Variants in ATG2B observed in about 807,000 individuals in gnomAD.
ATG2B encodes autophagy-related protein 2 homolog B.
A neutral mutation model predicts 241.3 loss-of-function variants in ATG2B; 121 were observed. The observed-to-expected ratio is 0.50, with a 90% CI of 0.43 to 0.58. ATG2B has a LOEUF of 0.58. ATG2B is among the 20% of genes least tolerant of loss of function. The probability of loss-of-function intolerance (pLI) is 0.00; values close to 1 mark genes in which losing one functional copy is unlikely to be tolerated. For synonymous variants in ATG2B, 858 were observed against 876.6 expected, an observed-to-expected ratio of 0.98 and a Z score of 0.37; for missense variants, 2,306 against 2,491.6, an observed-to-expected ratio of 0.93 and a Z score of 1.59.
In ATG2B at chr14:96,362,986, T is replaced by C. The variant is rs751806903; in HGVS notation, c.-10A>G. The stretch of plus-strand genomic sequence containing the variant: ...AAAACGGCCAAGGCATAGTGACTGC[T>C]GGCAGCTGGGCTGACTGCGGCTGCG... On this transcript the variant is annotated 5_prime_UTR_variant, in exon 1 of 42. Coordinates refer to ENST00000359933, the MANE Select transcript of ATG2B (RefSeq NM_018036.7). 3.7e-6 allele frequency: 6 copies of C among 1,613,076 alleles called. No individual in the cohort carries two copies. Among genetic ancestry groups the C allele is most frequent in the South Asian group, 1.1e-5 (1 of 91,030 alleles).
At chr14:96,330,337 A>C (rs749077898) in intron 11 of ATG2B, among the ~76,000 whole-genome samples, 5 of 152,258 alleles carry the variant, frequency 3.3e-5, no homozygotes, top group Non-Finnish European at 5.9e-5. Flanking sequence ...AAAAAGTTAA[A>C]AAGATTAAAT....
rs1886461579 is a variant in ATG2B, at chr14:96,290,739, T to C, written c.5701+75A>G. On this transcript the variant is annotated intron_variant, in intron 39 of 41. Transcript: ENST00000359933. This position sits in a 1 kb window ranked among gnomAD's most constrained non-coding sequence, Gnocchi z 4.4. ...GTTTTCTAGACTAATGGTCCTCACA[T>C]AAGTTCTCAAAGGGATAAGAATTAC... The C allele has an allele frequency of 1.3e-6, 2 of 1,561,602 alleles. No homozygotes were observed. The highest frequency in any genetic ancestry group is 1.9e-5 in the Admixed American group (1 of 52,202).
chr14:96,361,442 A>T (rs907096965), intron 1 of ATG2B, among the ~76,000 whole-genome samples: 1 of 152,198 alleles, frequency 6.6e-6, no homozygotes, highest in Non-Finnish European at 1.5e-5. Flanking sequence ...AGGATAATGC[A>T]TACAAAGCCC....
chr14:96,337,574 G>A (rs1009928702), intron 6 of ATG2B, among the ~76,000 whole-genome samples: 1 of 152,130 alleles, frequency 6.6e-6, no homozygotes, highest in African/African-American at 2.4e-5. Flanking sequence ...CTTTGTCAAA[G>A]ATCAGTTAGT....
At chr14:96,354,938 T>G (rs1888434115) in intron 1 of ATG2B, among the ~76,000 whole-genome samples, 1 of 152,250 alleles carries the variant, frequency 6.6e-6, no homozygotes, top group Admixed American at 6.5e-5. Flanking sequence ...CACATGTATG[T>G]TGTCTTTTCA....
Position 96,289,614 on chromosome 14 carries a change from G to A in ATG2B, c.6006+42C>T, listed in dbSNP as rs754447193. 4.4e-6 allele frequency: 7 copies of A among 1,602,348 alleles called. No homozygotes were observed. In the Admixed American group the frequency reaches 5.2e-5, roughly 12 times the overall value. On this transcript the variant is annotated intron_variant, in intron 41 of 41. Coordinates refer to ENST00000359933, the MANE Select transcript of ATG2B (RefSeq NM_018036.7). This position sits in a 1 kb window ranked among gnomAD's most constrained non-coding sequence, Gnocchi z 4.3. ...CTCTTTAGGTGAAAGTTGGGAAAGC[G>A]CACAGAAGGGTTCTGATGTGTCCAC...
intron 29 of ATG2B, among the ~76,000 whole-genome samples, chr14:96,308,274 A>ATG (rs1566719948): frequency 0.032 from 816 of 25,840 alleles, 43 homozygotes; most frequent in African/African-American, 0.11. Flanking sequence ...ATATATATAT[A>ATG]TATATATATT....
At chr14:96,320,645 T>C (rs1018827052) in intron 18 of ATG2B, among the ~76,000 whole-genome samples, 3 of 152,188 alleles carry the variant, frequency 2.0e-5, no homozygotes, top group African/African-American at 7.2e-5. Context: ...ATTTATAAAG[T>C]GAATGTTTAA....
intron 36 of ATG2B, among the ~76,000 whole-genome samples, chr14:96,292,346 C>T (rs926085372): frequency 2.5e-4 from 38 of 151,932 alleles, no homozygotes; most frequent in African/African-American, 8.5e-4. Flanking sequence ...TTCTTAGTTA[C>T]GTCTATATAG....
chr14:96,339,853 C>G lies in ATG2B; in HGVS notation c.924+1669G>C, dbSNP rs112313539. Among the ~76,000 whole-genome samples, 974 of 151,550 alleles carry G rather than the reference C, an allele frequency of 6.4e-3. 13 individuals are homozygous for G. The highest frequency in any genetic ancestry group is 0.029 in the Admixed American group (443 of 15,140). The stretch of plus-strand genomic sequence containing the variant: ...AACTCATCTACGTAACCAAAAACCA[C>G]CTGTATCCCAAAAACAACTGAAATT... On this transcript the variant is annotated intron_variant, in intron 6 of 41. Coordinates refer to ENST00000359933, the MANE Select transcript of ATG2B (RefSeq NM_018036.7).
rs772480146 is a variant in ATG2B, at chr14:96,325,845, T to C, written c.2241A>G (p.Thr747=). Residue 747 remains threonine, a synonymous_variant, in exon 15 of 42, where the codon ACA becomes ACG. Transcript: ENST00000359933. ...ANCRISVQVA[T]PALNLSVRFP... The stretch of plus-strand genomic sequence containing the variant: ...AGCGAACAGAAAGGTTTAATGCTGG[T>C]GTGGCAACTTGTACTGATATCCGAC... 3.7e-6 allele frequency: 6 copies of C among 1,613,950 alleles called. No homozygotes were observed. The highest frequency in any genetic ancestry group is 5.1e-6 in the Non-Finnish European group (6 of 1,180,000).
intron 27 of ATG2B, 119 bp from the exon 28 acceptor site, chr14:96,311,406 G>C: frequency 3.3e-6 from 4 of 1,205,356 alleles, no homozygotes; most frequent in Non-Finnish European, 4.6e-6. Context: ...CATAAAAAAA[G>C]TATTTAAATA....
In ATG2B at chr14:96,290,825, A is replaced by C; in HGVS notation, c.5690T>G (p.Leu1897Arg). The change falls in exon 39 of 42, where the codon CTA becomes CGA. Residue 1897 changes from leucine to arginine, a missense_variant. Around this residue, in one of 2 missense-constraint regions of ATG2B, gnomAD observed 379 missense variants for 480.4 expected, o/e 0.79. Coordinates refer to ENST00000359933, the MANE Select transcript of ATG2B (RefSeq NM_018036.7). The surrounding 1 kb of genome is among the most constrained non-coding windows in gnomAD (Gnocchi z 4.4). ...ILGGVGPMHS[L>R]VQLVQGLKDL... ...AGAAGAAAACTCACCTAATTGTACT[A>C]GTGAATGCATAGGTCCAACACCTCC... The C allele has an allele frequency of 6.2e-7, 1 of 1,609,528 alleles. No homozygotes were observed. The highest frequency in any genetic ancestry group is 8.5e-7 in the Non-Finnish European group (1 of 1,178,868).
At chr14:96,314,675 T>C (rs1221372253) in intron 23 of ATG2B, among the ~76,000 whole-genome samples, 2 of 616 alleles carry the variant, frequency 3.2e-3, no homozygotes, top group African/African-American at 0.016. Context: ...TAATACTGTT[T>C]TGTTTTGTTT....
At chr14:96,323,187 C>G (rs943572398) in intron 16 of ATG2B, among the ~76,000 whole-genome samples, 1 of 152,120 alleles carries the variant, frequency 6.6e-6, no homozygotes, top group Non-Finnish European at 1.5e-5. Context: ...AGTTTCAAAA[C>G]TCTAACAACA....
chr14:96,302,177 GAAAA>G, intron 33 of ATG2B, 69 bp from the exon 34 acceptor site: 1 of 844,640 alleles, frequency 1.2e-6, no homozygotes, highest in Non-Finnish European at 1.9e-6. Flanking sequence ...TTAAAAATAA[GAAAA>G]AAAAAGAAAA....
chr14:96,294,157 C>T (rs1886565048), intron 36 of ATG2B, among the ~76,000 whole-genome samples: 1 of 152,174 alleles, frequency 6.6e-6, no homozygotes, highest in African/African-American at 2.4e-5. Context: ...ATTAGTAATA[C>T]TGCTGACTTT....
chr14:96,306,588 TAAA>T (rs140690422), intron 30 of ATG2B, 123 bp downstream of exon 30: 663 of 655,578 alleles, frequency 1.0e-3, no homozygotes, highest in East Asian at 2.2e-3. Context: ...AATAGTATAT[TAAA>T]AAAAAAAAAG....
At position 96,332,625 on chromosome 14, in the gene ATG2B, A is replaced by G. The variant is rs774767133; in HGVS notation, c.1238T>C (p.Met413Thr). Reference sequence around the variant, plus strand: ...AGAAGAGAGACTATGAGACATGTCCATATCAGCCATGGAGAAGAATACTTC... The same window carrying G: ...AGAAGAGAGACTATGAGACATGTCCGTATCAGCCATGGAGAAGAATACTTC... ...EEEVFFSMAD[M>T]DMSHSLSSLP... Residue 413 changes from methionine (M) to threonine (T), a missense_variant, in exon 9 of 42, where the codon ATG becomes ACG. Met to Thr is a moderately conservative substitution (Grantham distance 81, BLOSUM62 -1). Around this residue, in one of 2 missense-constraint regions of ATG2B, gnomAD observed 1,927 missense variants for 2,011.2 expected, o/e 0.96. Coordinates refer to ENST00000359933, the MANE Select transcript of ATG2B (RefSeq NM_018036.7). The G allele has an allele frequency of 6.3e-6, 10 of 1,587,088 alleles. No homozygotes were observed. The highest frequency in any genetic ancestry group is 2.7e-5 in the African/African-American group (2 of 73,286).
Sources: allele counts gnomAD v4.1 joint callset (sites outside exome capture counted in the v4.1 genomes callset), GRCh38; gene constraint gnomAD v4.1.1; regional missense constraint gnomAD v4.1.1; non-coding constraint Gnocchi (gnomAD v3.1); transcripts MANE v1.5; gene names NCBI Gene and HGNC (gene_info 2026-07-23, HGNC 2026-07-21).